SLC9D1: variants seen among roughly 807,000 people sequenced by gnomAD.
SLC9D1 encodes putative LAG1-interacting protein.
the SLC9D1 span, among the ~76,000 whole-genome samples, chr13:113,497,466 GCAGCTGTGTGAGACCTA>G: frequency 6.7e-6 from 1 of 148,358 alleles, no homozygotes; most frequent in Middle Eastern, 3.6e-3. Context: ...TATGAGACCT[GCAGCTGTGTGAGACCTA>G]CAGCTGTGTG....
the SLC9D1 span, chr13:113,496,046 G>C: frequency 6.5e-7 from 1 of 1,545,498 alleles, no homozygotes; most frequent in Non-Finnish European, 8.8e-7. Context: ...GAGAGGGAGA[G>C]AGAGAGAGAG....
chr13:113,547,501 G>T, the SLC9D1 span: 2 of 771,034 alleles, frequency 2.6e-6, no homozygotes, highest in Non-Finnish European at 4.3e-6. Context: ...CCTCATCTCG[G>T]AGGAGGCCCA....
At chr13:113,511,516 A>T in the SLC9D1 span, among the ~76,000 whole-genome samples, 28,208 of 152,182 alleles carry the variant, frequency 0.19, 3,452 homozygotes, top group African/African-American at 0.35. Flanking sequence ...AAAACTTTTT[A>T]AAAATCTGCG....
chr13:113,535,905 C>T, the SLC9D1 span, among the ~76,000 whole-genome samples: 2 of 142,826 alleles, frequency 1.4e-5, no homozygotes, highest in South Asian at 2.3e-4. The surrounding 1 kb of genome is among the most constrained non-coding windows in gnomAD (Gnocchi z 4.1). Flanking sequence ...GCACCTGAGT[C>T]GGGGTCTGGG....
the SLC9D1 span, among the ~76,000 whole-genome samples, chr13:113,543,008 A>G: frequency 6.7e-6 from 1 of 148,346 alleles, no homozygotes; most frequent in African/African-American, 2.5e-5. Flanking sequence ...CTGCCATTTG[A>G]TCCCCTTGCT....
the SLC9D1 span, among the ~76,000 whole-genome samples, chr13:113,522,632 G>A: frequency 1.3e-5 from 2 of 151,932 alleles, no homozygotes; most frequent in Non-Finnish European, 2.9e-5. Context: ...GAGCAACCGC[G>A]CCCGGCTGTT....
the SLC9D1 span, chr13:113,549,813 CTTT>C: frequency 2.3e-5 from 11 of 477,586 alleles, no homozygotes; most frequent in South Asian, 5.7e-5. Flanking sequence ...CTGGATGTGC[CTTT>C]TTTTTTTTTC....
the SLC9D1 span, among the ~76,000 whole-genome samples, chr13:113,508,904 T>A: frequency 2.0e-5 from 3 of 152,238 alleles, no homozygotes; most frequent in Non-Finnish European, 4.4e-5. Context: ...CCAAGGTACA[T>A]TGGGGCTGGC....
chr13:113,496,094 G>A, the SLC9D1 span: 38 of 1,093,184 alleles, frequency 3.5e-5, no homozygotes, highest in African/African-American at 2.7e-4. Context: ...GGGAGAGTGC[G>A]TGCCCACATC....
the SLC9D1 span, chr13:113,498,671 G>T: frequency 8.1e-6 from 5 of 618,958 alleles, no homozygotes; most frequent in South Asian, 4.9e-5. Context: ...AAAATAATTT[G>T]GTCTTGTAGA....
the SLC9D1 span, chr13:113,491,388 T>C: frequency 6.8e-6 from 1 of 147,406 alleles, no homozygotes; most frequent in Non-Finnish European, 1.5e-5. Context: ...CCTTCTTCCC[T>C]TCCCAAGGGT....
chr13:113,546,974 C>G, the SLC9D1 span, among the ~76,000 whole-genome samples: 4 of 152,314 alleles, frequency 2.6e-5, no homozygotes, highest in African/African-American at 9.6e-5. This position sits in a 1 kb window ranked among gnomAD's most constrained non-coding sequence, Gnocchi z 7.1. Flanking sequence ...TCATCTGCAC[C>G]TCAGCTGGAA....
the SLC9D1 span, among the ~76,000 whole-genome samples, chr13:113,507,747 G>A: frequency 6.6e-6 from 1 of 152,216 alleles, no homozygotes; most frequent in Admixed American, 6.5e-5. Flanking sequence ...CTTCTGTCTT[G>A]TATCTTCTCT....
At chr13:113,496,084 G>C in the SLC9D1 span, 59 of 1,147,924 alleles carry the variant, frequency 5.1e-5, no homozygotes, top group African/African-American at 6.2e-5. Flanking sequence ...TGAAGAGAGA[G>C]GGAGAGTGCG....
the SLC9D1 span, chr13:113,547,008 C>T: frequency 5.1e-6 from 2 of 390,756 alleles, no homozygotes; most frequent in Non-Finnish European, 9.4e-6. Flanking sequence ...AGTGCCAGAC[C>T]GAGTGCCGCC....
the SLC9D1 span, among the ~76,000 whole-genome samples, chr13:113,540,275 C>T: frequency 6.6e-6 from 1 of 152,168 alleles, no homozygotes; most frequent in African/African-American, 2.4e-5. Flanking sequence ...ATTGCTGGGT[C>T]GAATGGTAAT....
chr13:113,495,720 C>T, the SLC9D1 span: 37 of 1,613,318 alleles, frequency 2.3e-5, no homozygotes, highest in Admixed American at 1.0e-4. Context: ...CATGCAGAGC[C>T]GGCAGTGGGT....
At chr13:113,498,746 A>C in the SLC9D1 span, 1 of 390,388 alleles carries the variant, frequency 2.6e-6, no homozygotes, top group African/African-American at 2.2e-5. Flanking sequence ...TCCCCTCCTC[A>C]GCAGCTTGTC....
chr13:113,494,552 A>G, the SLC9D1 span, among the ~76,000 whole-genome samples: 1 of 152,172 alleles, frequency 6.6e-6, no homozygotes, highest in Non-Finnish European at 1.5e-5. Flanking sequence ...GTGCCTTGCC[A>G]GGATAAATTA....
Sources: gnomAD v4.1 joint callset for allele counts (sites outside exome capture counted in the v4.1 genomes callset) on GRCh38, gnomAD v4.1.1 for gene constraint, Gnocchi (gnomAD v3.1) non-coding constraint, MANE v1.5 for transcripts, NCBI Gene and HGNC (gene_info 2026-07-23, HGNC 2026-07-21) for gene names.